The following DEPDC1B variants were observed in gnomAD, a reference collection of about 807,000 sequenced individuals.
DEPDC1B encodes the protein DEP domain-containing protein 1B.
In DEPDC1B, 51 loss-of-function variants were observed where a neutral mutation model predicts 66.5. The ratio of observed to expected loss-of-function variants is 0.77; its 90% confidence interval spans 0.61 to 0.97. The LOEUF (loss-of-function observed/expected upper bound fraction) is 0.97. Among genes scored for constraint, DEPDC1B ranks in the 50% least tolerant of loss-of-function variants. The pLI is 0.00. For synonymous variants in DEPDC1B, 226 were observed against 223.6 expected (o/e 1.01, Z -0.10); for missense variants, 552 against 637.1 (o/e 0.87, Z 1.44).
intron 2 of DEPDC1B, among the ~76,000 whole-genome samples, chr5:60,672,218 CCCCAACA>C (rs1754057540): frequency 6.6e-6 from 1 of 152,200 alleles, no homozygotes; most frequent in Admixed American, 6.5e-5. Flanking sequence ...CCCACTGTAT[CCCCAACA>C]ACTGGCTCAT....
chr5:60,687,377 C>A, intron 1 of DEPDC1B, 150 bp from the exon 2 acceptor site: 1 of 1,024,698 alleles, frequency 9.8e-7, no homozygotes, highest in Non-Finnish European at 1.4e-6. Flanking sequence ...TTACAGGCTT[C>A]AAACTCTAAT....
intron 1 of DEPDC1B, among the ~76,000 whole-genome samples, chr5:60,697,734 T>C (rs193209266): frequency 1.3e-4 from 20 of 152,370 alleles, no homozygotes; most frequent in African/African-American, 4.8e-4. Context: ...GAGAACTGAA[T>C]TGATTACCTG....
chr5:60,637,393 C>T (rs188454239), intron 7 of DEPDC1B, among the ~76,000 whole-genome samples: 17 of 152,310 alleles, frequency 1.1e-4, no homozygotes, highest in Non-Finnish European at 2.1e-4. Context: ...GATGCCTGCT[C>T]CCGTTTTGCC....
intron 6 of DEPDC1B, among the ~76,000 whole-genome samples, chr5:60,640,460 C>A (rs1380194378): frequency 3.3e-5 from 5 of 152,146 alleles, no homozygotes; most frequent in Non-Finnish European, 4.4e-5. Context: ...ATGACCTTTT[C>A]TTTCTCAGTC....
chr5:60,699,448 A>AAAAAAAAAAACAAAC (rs1754729795), intron 1 of DEPDC1B, among the ~76,000 whole-genome samples: 2 of 149,118 alleles, frequency 1.3e-5, no homozygotes, highest in African/African-American at 5.1e-5. Flanking sequence ...TCCCAGAAAA[A>AAAAAAAAAAACAAAC]AAAAAAAAAA....
In DEPDC1B at chr5:60,605,916, G is replaced by A; in HGVS notation, c.899-60C>T. On this transcript the variant is annotated intron_variant, in intron 7 of 10. Transcript: ENST00000265036. ...ACCTATAGCCTAGTAGATTCTATAT[G>A]GTTGTATTTTAACAAAATATATATT... is the stretch of plus-strand genomic sequence containing the variant. The A allele has an allele frequency of 2.8e-6, 4 of 1,410,570 alleles. 1 individual carries two copies. The South Asian group carries it at 6.1e-5, about 22-fold the overall frequency. 87.4% of individuals were successfully genotyped at this position (1,410,570 alleles called of 1,614,324 possible).
intron 2 of DEPDC1B, 44 bp from the exon 3 acceptor site, chr5:60,647,577 G>C: frequency 6.3e-7 from 1 of 1,584,742 alleles, no homozygotes; most frequent in Non-Finnish European, 8.5e-7. Context: ...GTCAGTGGGA[G>C]ACACAGATAT....
At chr5:60,664,979 G>A (rs944511959) in intron 2 of DEPDC1B, among the ~76,000 whole-genome samples, 2 of 152,188 alleles carry the variant, frequency 1.3e-5, no homozygotes, top group Middle Eastern at 3.4e-3. Context: ...ACACTGCCGG[G>A]GTCATCAGAA....
Position 60,597,603 on chromosome 5 carries a change from C to T in DEPDC1B, c.*150G>A, listed in dbSNP as rs1752121382. The T allele has an allele frequency of 1.1e-5, 9 of 854,782 alleles. No individual in the cohort carries two copies. In the South Asian group the frequency reaches 1.9e-4, roughly 18 times the overall value. The allele number at this position is 854,782 out of a possible 1,614,324, so 52.9% of individuals were successfully genotyped here. A position where few individuals can be genotyped will look rare whatever the true frequency, so the allele number is the denominator to read the frequency against. ...TTTTATAAAAATACTAATGGCCAAA[C>T]ATTTTTAAAAACTAAGGCAATCTTT... On this transcript the variant is annotated 3_prime_UTR_variant, in exon 11 of 11. Transcript: ENST00000265036.
At chr5:60,656,705 A>G (rs1302985070) in intron 2 of DEPDC1B, among the ~76,000 whole-genome samples, 1 of 152,230 alleles carries the variant, frequency 6.6e-6, no homozygotes, top group African/African-American at 2.4e-5. Flanking sequence ...AGAAAGAGCA[A>G]ACAAGAGCAG....
At chr5:60,663,981 C>T (rs953412209) in intron 2 of DEPDC1B, among the ~76,000 whole-genome samples, 2 of 152,230 alleles carry the variant, frequency 1.3e-5, no homozygotes, top group African/African-American at 4.8e-5. Context: ...GCATAACAGG[C>T]TTCTGCCGAA....
intron 1 of DEPDC1B, among the ~76,000 whole-genome samples, chr5:60,689,349 T>C (rs1166674466): frequency 5.9e-5 from 9 of 152,228 alleles, no homozygotes; most frequent in Admixed American, 3.9e-4. Context: ...AGCAAATAAA[T>C]GACTTTTTTG....
At chr5:60,668,124 T>C (rs199885431) in intron 2 of DEPDC1B, among the ~76,000 whole-genome samples, 1 of 83,568 alleles carries the variant, frequency 1.2e-5, no homozygotes, top group Non-Finnish European at 2.1e-5. Flanking sequence ...TATATATATA[T>C]AAAATGGATA....
chr5:60,606,609 CAAAAAAAAAAAAAAAA>C (rs60544270), intron 7 of DEPDC1B, among the ~76,000 whole-genome samples: 77 of 46,626 alleles, frequency 1.7e-3, no homozygotes, highest in Non-Finnish European at 2.7e-3. Flanking sequence ...CCCATTTCTA[CAAAAAAAAAAAAAAAA>C]AAAAAAAAAA....
chr5:60,682,132 T>C (rs936090183), intron 2 of DEPDC1B, among the ~76,000 whole-genome samples: 9 of 152,140 alleles, frequency 5.9e-5, no homozygotes, highest in Admixed American at 1.3e-4. Context: ...CAACAATTGA[T>C]AGACTGGATT....
chr5:60,601,676 T>C (rs955902812), intron 9 of DEPDC1B, among the ~76,000 whole-genome samples: 1 of 152,176 alleles, frequency 6.6e-6, no homozygotes, highest in African/African-American at 2.4e-5. Flanking sequence ...AAATAAATTA[T>C]GGTATATCCA....
At chr5:60,662,411 T>C (rs1753739885) in intron 2 of DEPDC1B, among the ~76,000 whole-genome samples, 1 of 151,470 alleles carries the variant, frequency 6.6e-6, no homozygotes. Context: ...TTCCAAAGTC[T>C]GCCGTAGGCC....
chr5:60,626,966 T>G (rs1339451808), intron 7 of DEPDC1B, among the ~76,000 whole-genome samples: 3 of 152,016 alleles, frequency 2.0e-5, no homozygotes, highest in African/African-American at 7.2e-5. Context: ...AGGGCTGAGG[T>G]TGGGGGTATC....
At chr5:60,629,497 T>A (rs1412135011) in intron 7 of DEPDC1B, among the ~76,000 whole-genome samples, 2 of 152,204 alleles carry the variant, frequency 1.3e-5, no homozygotes, top group South Asian at 4.1e-4. Flanking sequence ...TTCATCCAAC[T>A]CCACACTGAT....
Sources: allele counts gnomAD v4.1 joint callset (sites outside exome capture counted in the v4.1 genomes callset), GRCh38; gene constraint gnomAD v4.1.1; transcripts MANE v1.5; gene names NCBI Gene and HGNC (gene_info 2026-07-23, HGNC 2026-07-21).